ZZEF1: variants seen among roughly 807,000 people sequenced by gnomAD.
ZZEF1 encodes zinc finger ZZ-type and EF-hand domain-containing protein 1.
In ZZEF1, 157 loss-of-function variants were observed where a neutral mutation model predicts 342.8. The observed-to-expected ratio is 0.46, with a 90% CI of 0.40 to 0.52. The LOEUF is 0.52. ZZEF1 is among the 20% of genes least tolerant of loss of function. ZZEF1 has a pLI of 0.00. For missense variants in ZZEF1, 3,480 were observed against 3,725.6 expected (o/e 0.93, Z 1.72); for synonymous variants, 1,505 against 1,429.1 (o/e 1.05, Z -1.20).
At chr17:4,137,419 G>C (rs541347483) in intron 1 of ZZEF1, among the ~76,000 whole-genome samples, 115 of 152,266 alleles carry the variant, frequency 7.6e-4, no homozygotes, top group Middle Eastern at 6.8e-3. Context: ...GACCATCCTG[G>C]CTAACACGGT....
chr17:4,080,332 TTTTTTGTTTG>T (rs1442133846), intron 18 of ZZEF1, among the ~76,000 whole-genome samples: 90 of 44,118 alleles, frequency 2.0e-3, no homozygotes, highest in South Asian at 0.02. Context: ...TTTTTTTTTG[TTTTTTGTTTG>T]TTTGTTTGTT....
intron 2 of ZZEF1, among the ~76,000 whole-genome samples, chr17:4,120,992 C>G (rs571173137): frequency 6.6e-6 from 1 of 152,146 alleles, no homozygotes; most frequent in Admixed American, 6.6e-5. Context: ...ACTAAAAATT[C>G]CCACCACCAA....
chr17:4,006,616 A>G lies in ZZEF1; in HGVS notation c.*274T>C. 2.1e-6 allele frequency: 1 copy of G among 483,024 alleles called. No homozygotes were observed. Among genetic ancestry groups the G allele is most frequent in the African/African-American group, 2.0e-5 (1 of 50,466 alleles). 29.9% of individuals were successfully genotyped at this position (483,024 alleles called of 1,614,324 possible). ...CTCCTGCAGTGACAGCCTCTGGAGA[A>G]GGCTGGTCTCTGAACCTTCTTAAGG... On this transcript the variant is annotated 3_prime_UTR_variant, in exon 55 of 55. Transcript: ENST00000381638.
At chr17:4,100,052 C>G (rs544619593) in intron 9 of ZZEF1, among the ~76,000 whole-genome samples, 1 of 152,112 alleles carries the variant, frequency 6.6e-6, no homozygotes, top group African/African-American at 2.4e-5. Context: ...ACGTTAGCCC[C>G]CTGAAGTATC....
chr17:4,070,356 C>T (rs967819637), intron 26 of ZZEF1, among the ~76,000 whole-genome samples: 4 of 152,180 alleles, frequency 2.6e-5, no homozygotes, highest in Non-Finnish European at 4.4e-5. Flanking sequence ...CCTGAAGCTG[C>T]ACAACTTTTG....
At position 4,066,437 on chromosome 17, in the gene ZZEF1, G is replaced by A. The variant is rs754529659; in HGVS notation, c.4249+10C>T. On this transcript the variant is annotated intron_variant, in intron 28 of 54. Transcript: ENST00000381638. ...GGCTCAGGGACAACAGCTGGTGTTA[G>A]CACACTCACCCAGGCTCTCAGGGTT... The A allele has an allele frequency of 2.0e-5, 32 of 1,613,470 alleles. No homozygotes were observed. In the South Asian group the frequency reaches 2.6e-4, roughly 13 times the overall value.
chr17:4,120,573 A>G (rs1238340258), intron 2 of ZZEF1, among the ~76,000 whole-genome samples: 3 of 152,218 alleles, frequency 2.0e-5, no homozygotes, highest in African/African-American at 7.2e-5. Flanking sequence ...TCTTTTTCTT[A>G]GCTGACTCCA....
chr17:4,051,861 GT>G, intron 35 of ZZEF1, 109 bp downstream of exon 35: 1 of 1,174,174 alleles, frequency 8.5e-7, no homozygotes, highest in Admixed American at 2.9e-5. Context: ...TTTTGGTTAT[GT>G]TTAAATTTTT....
In ZZEF1 at chr17:4,078,039, C is replaced by T. The variant is rs758844255; in HGVS notation, c.2833G>A (p.Glu945Lys). Residue 945 changes from glutamate (E) to lysine (K), a missense_variant, in exon 19 of 55, where the codon GAG (glutamate) becomes AAG (lysine). Glu to Lys is a moderately conservative substitution (Grantham distance 56). This residue lies in a region of ZZEF1 where 1,528 missense variants were observed against 1,624.1 expected (regional missense o/e 0.94). Coordinates refer to ENST00000381638, the MANE Select transcript of ZZEF1 (RefSeq NM_015113.4). ...TLVSVAAREC[E>K]LLMLSGAPGE... is the part of the protein sequence containing the mutation. ...GGGGCCCCACTGAGCATTAACAGCT[C>T]GCACTACAAGGGAGGAGACAAACAG... The T allele has an allele frequency of 4.3e-6, 7 of 1,613,466 alleles. No homozygotes were observed. Among genetic ancestry groups the T allele is most frequent in the South Asian group, 2.2e-5 (2 of 91,032 alleles).
chr17:4,064,736 T>C lies in ZZEF1; in HGVS notation c.4343A>G (p.Asp1448Gly). The C allele has an allele frequency of 6.2e-7, 1 of 1,614,080 alleles. No homozygotes were observed. Among genetic ancestry groups the C allele is most frequent in the Non-Finnish European group, 8.5e-7 (1 of 1,180,030 alleles). Residue 1448 changes from aspartate to glycine, a missense_variant, in exon 29 of 55, where the codon GAT becomes GGT. Physicochemically the swap from Asp to Gly is moderately conservative, Grantham distance 94 (BLOSUM62 -1). Coordinates refer to ENST00000381638, the MANE Select transcript of ZZEF1 (RefSeq NM_015113.4). Reference protein sequence around the residue: ...KESCEKLETADETSHLQPLNK... With the variant: ...KESCEKLETAGETSHLQPLNK... ...GAGTGGCTGGAGATGACTGGTTTCATCAGCAGTCTCCAACTTTTCGCAGCT... is the reference window on the plus strand; with the variant it reads ...GAGTGGCTGGAGATGACTGGTTTCACCAGCAGTCTCCAACTTTTCGCAGCT...
At chr17:4,028,219 T>C (rs116590683) in intron 42 of ZZEF1, among the ~76,000 whole-genome samples, 1,668 of 152,276 alleles carry the variant, frequency 0.011, 23 homozygotes, top group African/African-American at 0.038. Flanking sequence ...CTATATGACA[T>C]AAATCTCACA....
At chr17:4,026,563 C>T (rs1166973803) in intron 42 of ZZEF1, among the ~76,000 whole-genome samples, 2 of 150,650 alleles carry the variant, frequency 1.3e-5, no homozygotes, top group Non-Finnish European at 3.0e-5. Context: ...CTCTTGTCAC[C>T]CAGGCTGGAG....
chr17:4,044,403 A>C (rs1468969399), intron 37 of ZZEF1, 29 bp from the exon 38 acceptor site: 6 of 1,586,602 alleles, frequency 3.8e-6, no homozygotes, highest in Non-Finnish European at 5.1e-6. Context: ...AAAAGAATTA[A>C]GGTTTCTTAT....
chr17:4,099,165 A>C (rs1205206104), intron 9 of ZZEF1, among the ~76,000 whole-genome samples: 1 of 152,204 alleles, frequency 6.6e-6, no homozygotes, highest in Admixed American at 6.5e-5. Context: ...TAAAAAAAAA[A>C]ATAAAACTTC....
At position 4,064,560 on chromosome 17, in the gene ZZEF1, C is replaced by G. The variant is rs199760515; in HGVS notation, c.4519G>C (p.Asp1507His). The G allele has an allele frequency of 6.2e-7, 1 of 1,614,168 alleles. No homozygotes were observed. Among genetic ancestry groups the G allele is most frequent in the Non-Finnish European group, 8.5e-7 (1 of 1,180,036 alleles). The change falls in exon 29 of 55, where the codon GAC becomes CAC. Residue 1507 changes from aspartate (D) to histidine (H), a missense_variant. By Grantham distance (81) the Asp-to-His change is moderately conservative. Transcript: ENST00000381638. ...LPSSSGLPAA[D>H]VSPATAEEPL... ...TCTTCAGCTGTGGCAGGGGACACGTCTGCAGCAGGAAGGCCACTGCTGGAT... is the reference window on the plus strand; with the variant it reads ...TCTTCAGCTGTGGCAGGGGACACGTGTGCAGCAGGAAGGCCACTGCTGGAT...
Position 4,006,654 on chromosome 17 carries a change from C to G in ZZEF1, c.*236G>C. 2 of 561,174 alleles carry G rather than the reference C, an allele frequency of 3.6e-6. No individual in the cohort carries two copies. The highest frequency in any genetic ancestry group is 6.4e-6 in the Non-Finnish European group (2 of 312,394). The allele number at this position is 561,174 out of a possible 1,614,324, so 34.8% of individuals were successfully genotyped here. On this transcript the variant is annotated 3_prime_UTR_variant, in exon 55 of 55. Transcript: ENST00000381638. ...AACCTTCTTAAGGGCCCCCTGCCCACCCTTTCTGAGGCATTCTGCACTGCT... is the reference window on the plus strand; with the variant it reads ...AACCTTCTTAAGGGCCCCCTGCCCAGCCTTTCTGAGGCATTCTGCACTGCT...
At chr17:4,060,546 T>C (rs1478980393) in intron 30 of ZZEF1, among the ~76,000 whole-genome samples, 1 of 148,560 alleles carries the variant, frequency 6.7e-6, no homozygotes, top group Non-Finnish European at 1.5e-5. Flanking sequence ...GAAACTCTTG[T>C]CTCAAGACAA....
intron 1 of ZZEF1, among the ~76,000 whole-genome samples, chr17:4,125,797 A>T (rs1000636272): frequency 6.6e-6 from 1 of 152,208 alleles, no homozygotes; most frequent in African/African-American, 2.4e-5. Context: ...CAGAGAAAAG[A>T]GGCCTGGGAG....
chr17:4,089,389 T>C (rs2057901939), intron 12 of ZZEF1, among the ~76,000 whole-genome samples: 1 of 152,214 alleles, frequency 6.6e-6, no homozygotes, highest in Non-Finnish European at 1.5e-5. Flanking sequence ...CGCTCTTTGT[T>C]AAGGGCCTTT....
Sources: allele counts gnomAD v4.1 joint callset (sites outside exome capture counted in the v4.1 genomes callset), GRCh38; gene constraint gnomAD v4.1.1; regional missense constraint gnomAD v4.1.1; transcripts MANE v1.5; gene names NCBI Gene and HGNC (gene_info 2026-07-23, HGNC 2026-07-21).